The following TEC variants were observed in gnomAD, a reference collection of about 807,000 sequenced individuals.
The protein encoded by TEC is tyrosine-protein kinase Tec.
TEC carries 72 observed loss-of-function variants against 93.0 expected under a neutral mutation model. The ratio of observed to expected loss-of-function variants is 0.77; its 90% confidence interval spans 0.64 to 0.94. The LOEUF (loss-of-function observed/expected upper bound fraction) is 0.94. Among genes scored for constraint, TEC ranks in the 40% least tolerant of loss-of-function variants. TEC has a pLI of 0.00. For synonymous variants in TEC, 249 were observed against 247.7 expected, an observed-to-expected ratio of 1.01 and a Z score of -0.05; for missense variants, 630 against 757.9, an observed-to-expected ratio of 0.83 and a Z score of 1.98.
intron 2 of TEC, among the ~76,000 whole-genome samples, chr4:48,214,037 T>C (rs573258083): frequency 6.6e-6 from 1 of 152,298 alleles, no homozygotes; most frequent in South Asian, 2.1e-4. Flanking sequence ...CAATGTGAGA[T>C]CTTTATATTA....
chr4:48,151,548 G>T (rs1720164071), intron 9 of TEC, among the ~76,000 whole-genome samples: 1 of 152,122 alleles, frequency 6.6e-6, no homozygotes, highest in African/African-American at 2.4e-5. Context: ...GTGCAGTGGT[G>T]CGATCTCAGC....
chr4:48,173,395 G>A (rs140195097), intron 3 of TEC, among the ~76,000 whole-genome samples: 8 of 152,328 alleles, frequency 5.3e-5, no homozygotes, highest in East Asian at 3.9e-4. Context: ...GTATTTCTAC[G>A]AGAAGTTTCT....
At chr4:48,172,323 A>T (rs1721146334) in intron 3 of TEC, among the ~76,000 whole-genome samples, 1 of 152,208 alleles carries the variant, frequency 6.6e-6, no homozygotes. Context: ...TCCCTTTGTC[A>T]CGTCCACACC....
chr4:48,216,221 C>A (rs1194101997), intron 2 of TEC, among the ~76,000 whole-genome samples: 2 of 149,034 alleles, frequency 1.3e-5, no homozygotes, highest in African/African-American at 5.0e-5. Flanking sequence ...GCCAAGTGGC[C>A]TTCCCCAATC....
intron 8 of TEC, among the ~76,000 whole-genome samples, chr4:48,161,593 A>G (rs971804327): frequency 2.9e-5 from 3 of 102,432 alleles, no homozygotes; most frequent in Non-Finnish European, 5.6e-5. Flanking sequence ...CACAGCTGCC[A>G]GAGGCTTTTT....
chr4:48,267,006 T>C (rs1184291743), intron 1 of TEC, among the ~76,000 whole-genome samples: 1 of 152,180 alleles, frequency 6.6e-6, no homozygotes. Context: ...TCTTCCACAG[T>C]GGGAAGTCAA....
intron 11 of TEC, 126 bp downstream of exon 11, chr4:48,149,431 A>G: frequency 1.0e-6 from 1 of 981,400 alleles, no homozygotes; most frequent in Non-Finnish European, 1.4e-6. Context: ...ATATGCAGTA[A>G]TTTAAAATCA....
At chr4:48,168,747 C>T in intron 5 of TEC, 121 bp from the exon 6 acceptor site, 4 of 956,444 alleles carry the variant, frequency 4.2e-6, no homozygotes, top group Non-Finnish European at 4.8e-6. Context: ...CACACTCTGA[C>T]CAACTCTGGT....
At chr4:48,236,497 T>C (rs1183666996) in intron 1 of TEC, among the ~76,000 whole-genome samples, 2 of 152,304 alleles carry the variant, frequency 1.3e-5, no homozygotes, top group East Asian at 1.9e-4. Flanking sequence ...TTAGCCAGGA[T>C]GGTCTCGATC....
At chr4:48,222,482 T>A (rs1723299304) in intron 2 of TEC, among the ~76,000 whole-genome samples, 1 of 152,002 alleles carries the variant, frequency 6.6e-6, no homozygotes. Flanking sequence ...CTTAATTTTA[T>A]GTGTCAACTT....
At chr4:48,171,194 G>C (rs1721097039) in intron 4 of TEC, among the ~76,000 whole-genome samples, 174 bp downstream of exon 4, 1 of 152,180 alleles carries the variant, frequency 6.6e-6, no homozygotes, top group African/African-American at 2.4e-5. Context: ...AAAAAGGAAA[G>C]TTATCTTCAA....
At chr4:48,179,227 G>A (rs775072719) in intron 2 of TEC, among the ~76,000 whole-genome samples, 1 of 151,206 alleles carries the variant, frequency 6.6e-6, no homozygotes, top group Non-Finnish European at 1.5e-5. Context: ...GCTCTGCAAG[G>A]TAAGGATTAC....
At chr4:48,147,657 G>A (rs928619525) in intron 11 of TEC, among the ~76,000 whole-genome samples, 1 of 152,144 alleles carries the variant, frequency 6.6e-6, no homozygotes, top group African/African-American at 2.4e-5. Context: ...TATATTTGGA[G>A]ATAGAGGGGT....
intron 1 of TEC, among the ~76,000 whole-genome samples, chr4:48,245,966 T>C (rs2664031): frequency 0.78 from 117,755 of 151,806 alleles, 46,542 homozygotes; most frequent in African/African-American, 0.93. Flanking sequence ...AAAATTATCC[T>C]GGCATGGTGG....
intron 1 of TEC, among the ~76,000 whole-genome samples, chr4:48,255,209 G>C (rs1428761680): frequency 6.6e-6 from 1 of 152,152 alleles, no homozygotes; most frequent in Non-Finnish European, 1.5e-5. Flanking sequence ...GCTTCTCACT[G>C]CACGGTCCCA....
chr4:48,215,962 C>A (rs553828227), intron 2 of TEC, among the ~76,000 whole-genome samples: 30 of 152,306 alleles, frequency 2.0e-4, no homozygotes, highest in African/African-American at 7.2e-4. Flanking sequence ...AGTGAAAAAT[C>A]TGGAGGTGAT....
intron 1 of TEC, among the ~76,000 whole-genome samples, chr4:48,233,811 T>C (rs1723707360): frequency 7.4e-6 from 1 of 135,778 alleles, no homozygotes; most frequent in South Asian, 2.4e-4. Flanking sequence ...ATTGAGAAAC[T>C]CTCCCAAAAA....
At chr4:48,231,829 TG>T (rs2109644003) in intron 1 of TEC, among the ~76,000 whole-genome samples, 1 of 152,212 alleles carries the variant, frequency 6.6e-6, no homozygotes, top group East Asian at 1.9e-4. Context: ...TGTGTAGACA[TG>T]TAGTTCCCAA....
intron 1 of TEC, 36 bp from the exon 2 acceptor site, chr4:48,228,695 TTTAA>T: frequency 6.6e-7 from 1 of 1,505,676 alleles, no homozygotes; most frequent in Admixed American, 2.3e-5. Flanking sequence ...AATGTGACAG[TTTAA>T]TTTTCTATGG....
Sources: allele counts gnomAD v4.1 joint callset (sites outside exome capture counted in the v4.1 genomes callset), GRCh38; gene constraint gnomAD v4.1.1; transcripts MANE v1.5; gene names NCBI Gene and HGNC (gene_info 2026-07-23, HGNC 2026-07-21).